DNAJC2: variants seen among roughly 807,000 people sequenced by gnomAD.
DNAJC2 encodes DnaJ heat shock protein family (Hsp40) member C2.
A neutral mutation model predicts 94.0 loss-of-function variants in DNAJC2; 32 were observed. The observed-to-expected ratio is 0.34, with a 90% CI of 0.26 to 0.46. DNAJC2 has a LOEUF of 0.46. Ranked by LOEUF, DNAJC2 falls within the 20% of genes least tolerant of loss-of-function variation. The pLI is 1.00. For missense variants in DNAJC2, 550 were observed against 719.5 expected (o/e 0.76, Z 2.69); for synonymous variants, 210 against 229.7 (o/e 0.91, Z 0.77).
At chr7:103,338,450 C>T (rs1396484877) in intron 2 of DNAJC2, among the ~76,000 whole-genome samples, 2 of 151,534 alleles carry the variant, frequency 1.3e-5, no homozygotes, top group Non-Finnish European at 2.9e-5. Context: ...GTGCACACCA[C>T]CACGCCTGGC....
intron 2 of DNAJC2, among the ~76,000 whole-genome samples, chr7:103,341,549 A>C (rs1165005941): frequency 6.6e-6 from 1 of 152,180 alleles, no homozygotes; most frequent in African/African-American, 2.4e-5. Flanking sequence ...CGGTGCAAAC[A>C]TTATCTTTTC....
chr7:103,316,178 G>T, intron 13 of DNAJC2, 90 bp from the exon 14 acceptor site: 1 of 748,130 alleles, frequency 1.3e-6, no homozygotes, highest in Non-Finnish European at 2.1e-6. Flanking sequence ...CTGCAGAAAG[G>T]TTATAGTATG....
Position 103,323,658 on chromosome 7 carries a change from T to C in DNAJC2, c.659A>G (p.Asn220Ser). 7.0e-7 allele frequency: 1 copy of C among 1,433,662 alleles called. No individual in the cohort carries two copies. Among genetic ancestry groups the C allele is most frequent in the South Asian group, 1.3e-5 (1 of 78,674 alleles). The allele number at this position is 1,433,662 out of a possible 1,614,324, so 88.8% of individuals were successfully genotyped here. A position where few individuals can be genotyped will look rare whatever the true frequency, so the allele number is the denominator to read the frequency against. Reference sequence around the variant, plus strand: ...AGAAAATTCTCTCCAAGAATCAAAATTATACCTAATATAGACAGAAATAAT... The same window carrying C: ...AGAAAATTCTCTCCAAGAATCAAAACTATACCTAATATAGACAGAAATAAT... ...DVDIFYSFWY[N>S]FDSWREFSYL... The change falls in exon 7 of 17, where the codon AAT becomes AGT. Residue 220 changes from asparagine (N) to serine (S), a missense_variant. Physicochemically the swap from Asn to Ser is conservative, Grantham distance 46 (BLOSUM62 1). Coordinates refer to ENST00000379263, the MANE Select transcript of DNAJC2 (RefSeq NM_014377.3).
intron 10 of DNAJC2, 151 bp from the exon 11 acceptor site, chr7:103,319,995 C>G: frequency 8.3e-6 from 6 of 719,436 alleles, no homozygotes; most frequent in Non-Finnish European, 1.4e-5. Flanking sequence ...GATCACGCCA[C>G]TGCACTCCAG....
intron 15 of DNAJC2, chr7:103,314,384 A>C (rs1173665658): frequency 3.0e-6 from 3 of 985,400 alleles, no homozygotes; most frequent in East Asian, 2.3e-4. Context: ...GAGCCTTCCC[A>C]TTTCCATAAA....
rs370089053 is a variant in DNAJC2, at chr7:103,338,265, G to A, written c.256-454C>T. On this transcript the variant is annotated intron_variant, in intron 2 of 16. Coordinates refer to ENST00000379263, the MANE Select transcript of DNAJC2 (RefSeq NM_014377.3). ...AGGATAGGCGACAGAGCAAGACCCT[G>A]TCTTTTTTTTTTTTTTTTTAATGAT... is the stretch of plus-strand genomic sequence containing the variant. Among the ~76,000 whole-genome samples the A allele has an allele frequency of 5.5e-3, 723 of 130,408 alleles. 2 individuals carry two copies. Among genetic ancestry groups the A allele is most frequent in the Non-Finnish European group, 8.3e-3 (525 of 63,284 alleles). 85.6% of individuals were successfully genotyped at this position (130,408 alleles called of 152,430 possible).
intron 6 of DNAJC2, among the ~76,000 whole-genome samples, chr7:103,324,090 A>C (rs1419092079): frequency 2.0e-5 from 3 of 152,230 alleles, no homozygotes; most frequent in African/African-American, 7.2e-5. Flanking sequence ...TATTTACTAG[A>C]CATTTGATGA....
At chr7:103,318,981 G>T (rs1818228826) in intron 12 of DNAJC2, among the ~76,000 whole-genome samples, 1 of 152,174 alleles carries the variant, frequency 6.6e-6, no homozygotes, top group South Asian at 2.1e-4. Flanking sequence ...GGAGGCCAAT[G>T]CGGACGGATC....
At chr7:103,321,601 A>G (rs1400612681) in intron 10 of DNAJC2, among the ~76,000 whole-genome samples, 1 of 152,066 alleles carries the variant, frequency 6.6e-6, no homozygotes, top group Non-Finnish European at 1.5e-5. Context: ...TAGTCCCAGC[A>G]CTTTGGGAGG....
At chr7:103,327,088 T>G (rs962227439) in intron 4 of DNAJC2, among the ~76,000 whole-genome samples, 13 of 152,264 alleles carry the variant, frequency 8.5e-5, no homozygotes, top group African/African-American at 2.9e-4. Context: ...TGTTCAAAAA[T>G]TAGCATCAAA....
intron 3 of DNAJC2, among the ~76,000 whole-genome samples, chr7:103,328,223 G>C (rs1246323379): frequency 6.6e-6 from 1 of 152,028 alleles, no homozygotes; most frequent in Non-Finnish European, 1.5e-5. Flanking sequence ...AGCCCGGCTT[G>C]AAGTAATTAT....
intron 7 of DNAJC2, 29 bp downstream of exon 7, chr7:103,323,569 C>T (rs530148649): frequency 1.8e-5 from 26 of 1,430,756 alleles, no homozygotes; most frequent in Non-Finnish European, 2.4e-5. Flanking sequence ...AAATAAATAC[C>T]TTCCATTATT....
chr7:103,316,730 C>T, intron 13 of DNAJC2, 100 bp downstream of exon 13: 2 of 1,007,450 alleles, frequency 2.0e-6, no homozygotes, highest in Non-Finnish European at 2.9e-6. Flanking sequence ...GAATTTATCT[C>T]TGCAAGTTTC....
At chr7:103,339,217 T>C (rs1819289882) in intron 2 of DNAJC2, among the ~76,000 whole-genome samples, 1 of 152,220 alleles carries the variant, frequency 6.6e-6, no homozygotes, top group African/African-American at 2.4e-5. Context: ...TAATACTGTC[T>C]TGTTCAGTAC....
intron 2 of DNAJC2, among the ~76,000 whole-genome samples, chr7:103,340,146 C>T (rs1819322975): frequency 6.6e-6 from 1 of 152,174 alleles, no homozygotes; most frequent in South Asian, 2.1e-4. Context: ...CCTCTTTTTC[C>T]CTCTTGCTCC....
At position 103,319,843 on chromosome 7, in the gene DNAJC2, G is replaced by C; in HGVS notation, c.1085C>G (p.Thr362Ser). 14 of 1,613,724 alleles carry C rather than the reference G, an allele frequency of 8.7e-6. No individual in the cohort carries two copies. The highest frequency in any genetic ancestry group is 1.2e-5 in the Non-Finnish European group (14 of 1,179,928). ...ERQKLRNSCK[T>S]WNHFSDNEAE... Reference sequence around the variant, plus strand: ...CTCATTATCAGAAAAATGATTCCAGGTCTAAAAGCACAAACACAAAAATAG... The same window carrying C: ...CTCATTATCAGAAAAATGATTCCAGCTCTAAAAGCACAAACACAAAAATAG... Residue 362 changes from threonine (T) to serine (S), a missense_variant and splice_region_variant, in exon 11 of 17, where the codon ACC becomes AGC. This residue lies in a region of DNAJC2 where 271 missense variants were observed against 302.6 expected (regional missense o/e 0.90). Transcript: ENST00000379263.
Position 103,344,672 on chromosome 7 carries a change from G to C in DNAJC2, c.-50C>G. 6.3e-7 allele frequency: 1 copy of C among 1,591,982 alleles called. No homozygotes were observed. On this transcript the variant is annotated 5_prime_UTR_variant, in exon 1 of 17. Coordinates refer to ENST00000379263, the MANE Select transcript of DNAJC2 (RefSeq NM_014377.3). ...GGCGCAGCGGCTCACGTCCCGGGCG[G>C]AGGGCGCTTAGGGTCCCCTCCAGCT...
intron 4 of DNAJC2, 185 bp downstream of exon 4, chr7:103,327,471 G>T: frequency 2.9e-6 from 2 of 699,240 alleles, no homozygotes; most frequent in Non-Finnish European, 4.8e-6. Context: ...GCTGCTGGCT[G>T]GGGACACCTC....
At chr7:103,326,772 G>T (rs1818732226) in intron 4 of DNAJC2, 88 bp from the exon 5 acceptor site, 2 of 1,310,434 alleles carry the variant, frequency 1.5e-6, no homozygotes, top group Admixed American at 2.8e-5. Context: ...TTAAAACATA[G>T]AAGTCATTAA....
Sources: allele counts gnomAD v4.1 joint callset (sites outside exome capture counted in the v4.1 genomes callset), GRCh38; gene constraint gnomAD v4.1.1; regional missense constraint gnomAD v4.1.1; transcripts MANE v1.5; gene names NCBI Gene and HGNC (gene_info 2026-07-23, HGNC 2026-07-21).